Variants in CDH13 observed in about 807,000 individuals in gnomAD.
CDH13 encodes cadherin-13.
CDH13 carries 24 observed loss-of-function variants against 63.8 expected under a neutral mutation model. The ratio of observed to expected loss-of-function variants is 0.38; its 90% CI spans 0.27 to 0.53. The LOEUF (loss-of-function observed/expected upper bound fraction) is 0.53, where lower values mean the gene tolerates loss of function less well. CDH13 is among the 20% of genes least tolerant of loss of function. The pLI is 0.85. For missense variants in CDH13, 1,049 were observed against 903.1 expected (o/e 1.16, Z -2.07); for synonymous variants, 503 against 355.3 (o/e 1.42, Z -4.67).
At chr16:83,130,032 A>T (rs1425365193) in intron 4 of CDH13, among the ~76,000 whole-genome samples, 2 of 152,184 alleles carry the variant, frequency 1.3e-5, no homozygotes, top group African/African-American at 4.8e-5. Context: ...AACCTAATTC[A>T]TATCAACAAG....
chr16:83,033,190 C>T (rs1916533151), intron 3 of CDH13, among the ~76,000 whole-genome samples: 1 of 152,090 alleles, frequency 6.6e-6, no homozygotes, highest in Non-Finnish European at 1.5e-5. Context: ...GCTAACCTGC[C>T]CAACCTACTC....
chr16:82,652,116 C>T (rs565240339), intron 1 of CDH13, among the ~76,000 whole-genome samples: 4 of 152,178 alleles, frequency 2.6e-5, no homozygotes, highest in Non-Finnish European at 4.4e-5. Flanking sequence ...AACATGTGAA[C>T]GTCACTAGCA....
At position 83,052,776 on chromosome 16, in the gene CDH13, C is replaced by CAAAAAA. The variant is rs71148805; in HGVS notation, c.366+20581_366+20586dup. 5.0e-3 allele frequency among the ~76,000 whole-genome samples: 467 copies of CAAAAAA among 92,790 alleles called. 22 individuals are homozygous for CAAAAAA. The highest frequency in any genetic ancestry group is 7.3e-3 in the Non-Finnish European group (354 of 48,472). 60.9% of individuals were successfully genotyped at this position (92,790 alleles called of 152,430 possible). On this transcript the variant is annotated intron_variant, in intron 3 of 13. Coordinates refer to ENST00000567109, the MANE Select transcript of CDH13 (RefSeq NM_001257.5). ...TGGGTGACAGGGCGAGACTTTATCTCAAAAAAAAAAAAAAAAAAAAAAAAA... is the reference window on the plus strand; with the variant it reads ...TGGGTGACAGGGCGAGACTTTATCTCAAAAAAAAAAAAAAAAAAAAAAAAAAAAAAA...
chr16:83,705,331 A>C (rs1182365132), intron 10 of CDH13, among the ~76,000 whole-genome samples: 3 of 152,226 alleles, frequency 2.0e-5, no homozygotes, highest in Non-Finnish European at 4.4e-5. Context: ...TTTTAAAAAA[A>C]GAAAAAGAAG....
chr16:82,719,346 T>C, intron 1 of CDH13: 1 of 455,680 alleles, frequency 2.2e-6, no homozygotes, highest in Non-Finnish European at 4.4e-6. Flanking sequence ...CTTAAAAGTC[T>C]ACATTTTCTT....
chr16:82,641,158 C>T (rs186637835), intron 1 of CDH13, among the ~76,000 whole-genome samples: 1 of 152,144 alleles, frequency 6.6e-6, no homozygotes, highest in Non-Finnish European at 1.5e-5. Context: ...TCCGAATGGT[C>T]CCTCCACAGA....
chr16:82,640,013 G>T (rs1171912087), intron 1 of CDH13, among the ~76,000 whole-genome samples: 1 of 152,244 alleles, frequency 6.6e-6, no homozygotes, highest in African/African-American at 2.4e-5. Flanking sequence ...AGCATTGAGG[G>T]AGGCAGCAGT....
intron 8 of CDH13, among the ~76,000 whole-genome samples, chr16:83,659,143 C>T (rs375583518): frequency 0.054 from 7,713 of 143,212 alleles, 156 homozygotes; most frequent in African/African-American, 0.12. Flanking sequence ...TCCTCACCAG[C>T]AAGGTCCCAT....
intron 4 of CDH13, among the ~76,000 whole-genome samples, chr16:83,176,847 T>G (rs1363363365): frequency 6.6e-6 from 1 of 152,084 alleles, no homozygotes; most frequent in Non-Finnish European, 1.5e-5. Flanking sequence ...TGAGCCTGGG[T>G]CTTAAGTCTG....
At chr16:83,245,519 A>G (rs1420400963) in intron 5 of CDH13, among the ~76,000 whole-genome samples, 1 of 152,250 alleles carries the variant, frequency 6.6e-6, no homozygotes, top group Non-Finnish European at 1.5e-5. Context: ...CGAGAACTCC[A>G]TCTAGGCTTC....
intron 8 of CDH13, among the ~76,000 whole-genome samples, chr16:83,618,331 A>C (rs974004467): frequency 6.6e-6 from 1 of 151,904 alleles, no homozygotes; most frequent in African/African-American, 2.4e-5. Context: ...GGGCTGAGGC[A>C]GGAGAATTGC....
chr16:82,705,434 C>T (rs1329553186), intron 1 of CDH13, among the ~76,000 whole-genome samples: 1 of 152,172 alleles, frequency 6.6e-6, no homozygotes, highest in African/African-American at 2.4e-5. Context: ...CACGACAACC[C>T]GGGATCCTAG....
intron 2 of CDH13, among the ~76,000 whole-genome samples, chr16:83,026,420 G>A (rs1019088529): frequency 1.3e-5 from 2 of 152,092 alleles, no homozygotes; most frequent in African/African-American, 4.8e-5. Flanking sequence ...ATAATATGAT[G>A]CTTATATATT....
At chr16:83,367,735 C>G (rs970641237) in intron 6 of CDH13, among the ~76,000 whole-genome samples, 1 of 152,096 alleles carries the variant, frequency 6.6e-6, no homozygotes, top group African/African-American at 2.4e-5. Flanking sequence ...TTTCCTTTTT[C>G]AAGATTGCTT....
intron 5 of CDH13, among the ~76,000 whole-genome samples, chr16:83,228,723 A>T (rs1476301665): frequency 6.6e-6 from 1 of 152,190 alleles, no homozygotes; most frequent in Non-Finnish European, 1.5e-5. Flanking sequence ...GGGCCATGGC[A>T]GGGCTTGACT....
At chr16:82,891,227 C>G (rs539830780) in intron 2 of CDH13, among the ~76,000 whole-genome samples, 1 of 152,054 alleles carries the variant, frequency 6.6e-6, no homozygotes, top group Non-Finnish European at 1.5e-5. Context: ...TGTGGAGAAT[C>G]TATGTTCTGT....
At chr16:83,768,671 A>G (rs1914561367) in intron 11 of CDH13, among the ~76,000 whole-genome samples, 1 of 152,198 alleles carries the variant, frequency 6.6e-6, no homozygotes, top group South Asian at 2.1e-4. Context: ...ATGATATGCT[A>G]AACAAAGGGT....
At chr16:83,552,831 A>C (rs1424575229) in intron 7 of CDH13, among the ~76,000 whole-genome samples, 1 of 152,204 alleles carries the variant, frequency 6.6e-6, no homozygotes, top group Non-Finnish European at 1.5e-5. Context: ...CCTGTAATCC[A>C]GCTCTTTGGG....
intron 7 of CDH13, among the ~76,000 whole-genome samples, chr16:83,533,073 C>G (rs2075115035): frequency 6.6e-6 from 1 of 152,142 alleles, no homozygotes; most frequent in African/African-American, 2.4e-5. Flanking sequence ...TCTGTTCTGC[C>G]TGCTCCTATT....
Sources: gnomAD v4.1 joint callset for allele counts (sites outside exome capture counted in the v4.1 genomes callset) on GRCh38, gnomAD v4.1.1 for gene constraint, MANE v1.5 for transcripts, NCBI Gene and HGNC (gene_info 2026-07-23, HGNC 2026-07-21) for gene names.